The following CHST9 variants were observed in gnomAD, a reference collection of about 807,000 sequenced individuals.
CHST9 encodes the protein GalNAc-4-sulfotransferase 2.
CHST9 carries 41 observed loss-of-function variants against 44.4 expected under a neutral mutation model. The ratio of observed to expected loss-of-function variants is 0.92; its 90% CI spans 0.72 to 1.20. The LOEUF is 1.20. CHST9 is among the 50% of genes most tolerant of loss of function. The pLI, the probability that CHST9 is intolerant of heterozygous loss-of-function variation, is 0.00. For synonymous variants in CHST9, 171 were observed against 178.4 expected (o/e 0.96, Z 0.33); for missense variants, 504 against 516.5 (o/e 0.98, Z 0.23).
intron 3 of CHST9, among the ~76,000 whole-genome samples, chr18:27,029,384 C>T (rs752119770): frequency 1.7e-4 from 26 of 152,052 alleles, no homozygotes; most frequent in Non-Finnish European, 2.9e-4. Context: ...AAGGGCATCG[C>T]GTCTCTCCAG....
intron 4 of CHST9, among the ~76,000 whole-genome samples, chr18:26,969,370 CTCTCTCTGTG>C (rs1341055010): frequency 1.6e-5 from 2 of 121,910 alleles, no homozygotes; most frequent in East Asian, 2.7e-4. Flanking sequence ...TTCTCTCTCT[CTCTCTCTGTG>C]TGTGTGTGTG....
chr18:26,956,669 C>T (rs1297442847), intron 4 of CHST9, among the ~76,000 whole-genome samples: 3 of 151,908 alleles, frequency 2.0e-5, no homozygotes, highest in Non-Finnish European at 4.4e-5. Context: ...TTAAGTCATT[C>T]TCAAATTTAT....
intron 4 of CHST9, among the ~76,000 whole-genome samples, chr18:27,022,163 C>T (rs1161710082): frequency 6.6e-6 from 1 of 152,160 alleles, no homozygotes; most frequent in East Asian, 1.9e-4. Context: ...GGTTATGTGA[C>T]CTACCCATGT....
At chr18:27,048,556 G>T in intron 2 of CHST9, 53 bp from the exon 3 acceptor site, 7 of 1,467,498 alleles carry the variant, frequency 4.8e-6, no homozygotes, top group Non-Finnish European at 6.6e-6. Flanking sequence ...AGAATATGAT[G>T]AAAATAAGAT....
At chr18:27,056,286 T>C (rs2057654372) in intron 2 of CHST9, among the ~76,000 whole-genome samples, 1 of 152,194 alleles carries the variant, frequency 6.6e-6, no homozygotes, top group Admixed American at 6.5e-5. Context: ...TGACTTTCAT[T>C]TTCTGATGGT....
At chr18:27,062,151 T>A (rs886685173) in intron 2 of CHST9, among the ~76,000 whole-genome samples, 6 of 152,144 alleles carry the variant, frequency 3.9e-5, no homozygotes, top group South Asian at 4.1e-4. Context: ...TATACTGTTG[T>A]TTGGTCAATT....
intron 5 of CHST9, 68 bp from the exon 6 acceptor site, chr18:26,917,418 T>C: frequency 6.7e-7 from 1 of 1,499,128 alleles, no homozygotes; most frequent in Non-Finnish European, 8.9e-7. Context: ...GATAAGGAAC[T>C]TCACATATTT....
At chr18:27,140,414 A>G (rs74831623) in intron 2 of CHST9, among the ~76,000 whole-genome samples, 2,410 of 152,340 alleles carry the variant, frequency 0.016, 53 homozygotes, top group Admixed American at 0.057. Flanking sequence ...TTGGTAAACT[A>G]CATTTTATAT....
intron 5 of CHST9, among the ~76,000 whole-genome samples, chr18:26,938,021 G>A (rs1398654114): frequency 6.6e-6 from 1 of 151,934 alleles, no homozygotes; most frequent in Non-Finnish European, 1.5e-5. Flanking sequence ...AGCATTGAGT[G>A]CTTGAATGAG....
rs181106176 is a variant in CHST9, at chr18:27,028,830, G to A, written c.161-4673C>T. On this transcript the variant is annotated intron_variant, in intron 3 of 5. Transcript: ENST00000618847. ...CCCAAAGTGCTGGGATTACAGGCGCGAGCCACTGTGCCTGGCCAGTAAAAG... is the reference window on the plus strand; with the variant it reads ...CCCAAAGTGCTGGGATTACAGGCGCAAGCCACTGTGCCTGGCCAGTAAAAG... Among the ~76,000 whole-genome samples the A allele has an allele frequency of 9.3e-4, 142 of 152,244 alleles. 2 individuals are homozygous for A. Among genetic ancestry groups the A allele is most frequent in the African/African-American group, 3.0e-3 (126 of 41,534 alleles).
chr18:27,041,728 C>T (rs531824037), intron 3 of CHST9, among the ~76,000 whole-genome samples: 42 of 152,162 alleles, frequency 2.8e-4, no homozygotes, highest in African/African-American at 9.2e-4. Flanking sequence ...CAGTGTTACA[C>T]GATAAAATTT....
chr18:26,989,279 G>T lies in CHST9; in HGVS notation c.202+34837C>A, dbSNP rs117688031. On this transcript the variant is annotated intron_variant, in intron 4 of 5. Transcript: ENST00000618847. ...AAGAAATGAACAAAAGATTTGAACAGGCACTTCACCAAGGAAGATATAGGG... is the reference window on the plus strand; with the variant it reads ...AAGAAATGAACAAAAGATTTGAACATGCACTTCACCAAGGAAGATATAGGG... 3.0e-3 allele frequency among the ~76,000 whole-genome samples: 458 copies of T among 152,170 alleles called. 3 individuals carry two copies. Among genetic ancestry groups the T allele is most frequent in the Middle Eastern group, 0.01 (3 of 294 alleles).
At position 27,132,966 on chromosome 18, in the gene CHST9, T is replaced by C. The variant is rs532183621; in HGVS notation, c.121+9723A>G. On this transcript the variant is annotated intron_variant, in intron 2 of 5. Transcript: ENST00000618847. ...AAAACAGCTGAACAAGCTTCTGACC[T>C]TTGCATCAGACAGTCCAGGTACTCA... Among the ~76,000 whole-genome samples, 40 of 152,316 alleles carry C rather than the reference T, an allele frequency of 2.6e-4. 1 individual carries two copies. The South Asian group carries it at 5.4e-3, about 21-fold the overall frequency.
At chr18:27,115,073 T>C (rs2058308626) in intron 2 of CHST9, among the ~76,000 whole-genome samples, 1 of 152,200 alleles carries the variant, frequency 6.6e-6, no homozygotes, top group Admixed American at 6.5e-5. Context: ...TCTGTCCTGC[T>C]GTGCTGTGAA....
At chr18:27,126,502 A>G (rs2058425303) in intron 2 of CHST9, among the ~76,000 whole-genome samples, 2 of 152,164 alleles carry the variant, frequency 1.3e-5, no homozygotes, top group South Asian at 4.1e-4. Context: ...CATCTGAGTA[A>G]CAGGAACTGT....
At chr18:27,118,893 G>T (rs1338513247) in intron 2 of CHST9, among the ~76,000 whole-genome samples, 1 of 151,868 alleles carries the variant, frequency 6.6e-6, no homozygotes, top group Non-Finnish European at 1.5e-5. Flanking sequence ...TAATTATATG[G>T]TTTTCAAAAA....
chr18:26,956,753 A>G (rs192326549), intron 4 of CHST9, among the ~76,000 whole-genome samples: 1 of 152,210 alleles, frequency 6.6e-6, no homozygotes, highest in African/African-American at 2.4e-5. Context: ...TGCTAATAAA[A>G]GATTAAGAAG....
At chr18:27,023,592 A>G (rs368472612) in intron 4 of CHST9, among the ~76,000 whole-genome samples, 58 of 152,336 alleles carry the variant, frequency 3.8e-4, no homozygotes, top group Non-Finnish European at 6.9e-4. Flanking sequence ...TTCTTTTTAC[A>G]TGGGTCACAA....
Position 27,029,106 on chromosome 18 carries a change from T to C in CHST9, c.161-4949A>G, listed in dbSNP as rs144424443. On this transcript the variant is annotated intron_variant, in intron 3 of 5. Transcript: ENST00000618847. ...GATGATTGTGGTGGGTTGGGTGTGC[T>C]GCTGCAGACCAGAAAGGGGGCTCAA... Among the ~76,000 whole-genome samples the C allele has an allele frequency of 6.2e-3, 941 of 152,156 alleles. 14 individuals are homozygous for C. Among genetic ancestry groups the C allele is most frequent in the African/African-American group, 0.021 (892 of 41,502 alleles).
Sources: gnomAD v4.1 joint callset for allele counts (sites outside exome capture counted in the v4.1 genomes callset) on GRCh38, gnomAD v4.1.1 for gene constraint, MANE v1.5 for transcripts, NCBI Gene and HGNC (gene_info 2026-07-23, HGNC 2026-07-21) for gene names.